Variants in PACRG observed in about 807,000 individuals in gnomAD.
PACRG encodes the protein parkin coregulated gene protein.
Under a neutral mutation model 29.7 loss-of-function variants are expected in PACRG, and 29 were observed. The observed-to-expected ratio is 0.98, with a 90% CI of 0.73 to 1.33. The LOEUF is 1.33. PACRG is among the 40% of genes most tolerant of loss of function. The pLI, the probability that PACRG is intolerant of heterozygous loss-of-function variation, is 0.00. For synonymous variants in PACRG, 116 were observed against 118.7 expected, an observed-to-expected ratio of 0.98 and a Z score of 0.15; for missense variants, 279 against 316.2, an observed-to-expected ratio of 0.88 and a Z score of 0.89.
intron 2 of PACRG, chr6:162,997,402 T>G: frequency 2.2e-6 from 1 of 454,886 alleles, no homozygotes; most frequent in Non-Finnish European, 4.4e-6. Flanking sequence ...TACCTCCTTC[T>G]TAGATTCTAG....
chr6:163,029,035 A>G (rs1293591388), intron 2 of PACRG, among the ~76,000 whole-genome samples: 3 of 152,322 alleles, frequency 2.0e-5, no homozygotes, highest in East Asian at 3.9e-4. Flanking sequence ...ACAGGAGCAC[A>G]ATCTCTAGTC....
chr6:162,793,966 C>T (rs1217386416), intron 1 of PACRG, among the ~76,000 whole-genome samples: 2 of 152,160 alleles, frequency 1.3e-5, no homozygotes, highest in Non-Finnish European at 2.9e-5. Context: ...TGTAACAAAC[C>T]TGCACATGTA....
intron 4 of PACRG, among the ~76,000 whole-genome samples, chr6:163,272,889 A>AT (rs1301093605): frequency 8.5e-6 from 1 of 117,404 alleles, no homozygotes; most frequent in Non-Finnish European, 1.8e-5. Flanking sequence ...ATGATGCATC[A>AT]TTCTTTTTTT....
chr6:163,245,282 G>T, intron 4 of PACRG: 1 of 227,342 alleles, frequency 4.4e-6, no homozygotes, highest in South Asian at 5.8e-5. Flanking sequence ...AACTACTCTT[G>T]GAAACTATCG....
intron 4 of PACRG, among the ~76,000 whole-genome samples, chr6:163,139,688 T>C (rs1282461166): frequency 6.6e-6 from 1 of 150,582 alleles, no homozygotes; most frequent in African/African-American, 2.4e-5. Context: ...GTCTATTAGG[T>C]TGGTGCTAAA....
chr6:163,152,405 T>C (rs1482262301), intron 4 of PACRG, among the ~76,000 whole-genome samples: 1 of 152,188 alleles, frequency 6.6e-6, no homozygotes, highest in Admixed American at 6.5e-5. Flanking sequence ...TAATGTAACA[T>C]AAATTTGTAT....
At chr6:162,730,259 T>C (rs1400252635) in intron 1 of PACRG, among the ~76,000 whole-genome samples, 1 of 152,178 alleles carries the variant, frequency 6.6e-6, no homozygotes, top group Non-Finnish European at 1.5e-5. Context: ...TTCAATTTCA[T>C]AACCAATATT....
chr6:162,732,685 T>A (rs796367625), intron 1 of PACRG, among the ~76,000 whole-genome samples: 28 of 152,338 alleles, frequency 1.8e-4, no homozygotes, highest in African/African-American at 6.7e-4. Flanking sequence ...GATGAACTAA[T>A]GGGTGCCCTC....
At chr6:163,001,961 G>A (rs1584979896) in intron 2 of PACRG, among the ~76,000 whole-genome samples, 2 of 152,272 alleles carry the variant, frequency 1.3e-5, no homozygotes, top group Admixed American at 1.3e-4. Context: ...ATAAAATAAT[G>A]TGTTTAAAGA....
intron 4 of PACRG, among the ~76,000 whole-genome samples, chr6:163,201,664 AG>A (rs1444661897): frequency 3.9e-5 from 6 of 152,196 alleles, no homozygotes; most frequent in African/African-American, 1.4e-4. Context: ...CCACCCAAGG[AG>A]GGGGCAGGAT....
chr6:163,175,815 A>G (rs1281927982), intron 4 of PACRG, among the ~76,000 whole-genome samples: 1 of 151,550 alleles, frequency 6.6e-6, no homozygotes, highest in Non-Finnish European at 1.5e-5. Flanking sequence ...CCACTGAGGA[A>G]TCCCAGCATT....
chr6:163,193,996 G>A (rs914135609), intron 4 of PACRG, among the ~76,000 whole-genome samples: 4 of 151,106 alleles, frequency 2.6e-5, no homozygotes, highest in East Asian at 2.0e-4. Flanking sequence ...GGGTTCAAGC[G>A]ATTCTCCTGC....
rs144380969 is a variant in PACRG at position 163,190,858 on chromosome 6, TTCTG to T, written c.613+101454_613+101457del. 1.1e-3 allele frequency: 447 copies of T among 420,654 alleles called. 6 individuals are homozygous for T. In the East Asian group the frequency reaches 0.026, roughly 25 times the overall value. 26.1% of individuals were successfully genotyped at this position (420,654 alleles called of 1,614,324 possible). ...TCTTTCACTGATTACTTCCCTCGTG[TTCTG>T]TCTATTGCTGATGATGTCCTGACAA... On this transcript the variant is annotated intron_variant, in intron 4 of 4. Coordinates refer to ENST00000366888, the MANE Select transcript of PACRG (RefSeq NM_001080379.2).
chr6:163,098,371 A>G (rs895831131), intron 4 of PACRG, among the ~76,000 whole-genome samples: 5 of 152,072 alleles, frequency 3.3e-5, no homozygotes, highest in African/African-American at 1.2e-4. Context: ...TCTTCCCTCC[A>G]TATCCACACT....
At chr6:162,837,704 T>G (rs186992276) in intron 2 of PACRG, among the ~76,000 whole-genome samples, 2 of 152,170 alleles carry the variant, frequency 1.3e-5, no homozygotes, top group African/African-American at 2.4e-5. Context: ...GAAATAGAAC[T>G]GAGACAACCT....
At chr6:163,101,704 C>T (rs1007178837) in intron 4 of PACRG, among the ~76,000 whole-genome samples, 7 of 152,142 alleles carry the variant, frequency 4.6e-5, no homozygotes, top group Admixed American at 3.3e-4. Flanking sequence ...CACACATTCA[C>T]CTTTCTTCGT....
intron 2 of PACRG, among the ~76,000 whole-genome samples, chr6:163,004,672 C>T (rs1804878547): frequency 6.9e-6 from 1 of 145,980 alleles, no homozygotes; most frequent in South Asian, 2.1e-4. Flanking sequence ...GACATGAAGC[C>T]TAACCATATC....
chr6:163,068,533 G>A (rs1303788398), intron 3 of PACRG, among the ~76,000 whole-genome samples: 3 of 148,856 alleles, frequency 2.0e-5, no homozygotes, highest in Non-Finnish European at 4.4e-5. Flanking sequence ...AGAGACCTAT[G>A]TCTTTCTGCA....
At chr6:162,800,519 C>A (rs1785767137) in intron 1 of PACRG, among the ~76,000 whole-genome samples, 1 of 152,206 alleles carries the variant, frequency 6.6e-6, no homozygotes, top group Middle Eastern at 3.4e-3. Flanking sequence ...TTGGGACCTC[C>A]TTATGTCATA....
Sources: allele counts gnomAD v4.1 joint callset (sites outside exome capture counted in the v4.1 genomes callset), GRCh38; gene constraint gnomAD v4.1.1; transcripts MANE v1.5; gene names NCBI Gene and HGNC (gene_info 2026-07-23, HGNC 2026-07-21).